The following CFAP95 variants were observed in gnomAD, a reference collection of about 807,000 sequenced individuals.
CFAP95 encodes cilia and flagella associated protein 95, also known as cilia- and flagella-associated protein 95.
At chr9:69,847,660 T>C in the CFAP95 span, among the ~76,000 whole-genome samples, 1 of 152,220 alleles carries the variant, frequency 6.6e-6, no homozygotes, top group Non-Finnish European at 1.5e-5. Flanking sequence ...ATTTCCTGAA[T>C]TATGTCCACA....
At chr9:69,900,298 T>G in the CFAP95 span, among the ~76,000 whole-genome samples, 1 of 151,872 alleles carries the variant, frequency 6.6e-6, no homozygotes, top group Non-Finnish European at 1.5e-5. Flanking sequence ...ATGAGCAGAG[T>G]GGGTTGTTTG....
chr9:69,840,685 T>C, the CFAP95 span, among the ~76,000 whole-genome samples: 6 of 152,224 alleles, frequency 3.9e-5, no homozygotes, highest in African/African-American at 1.4e-4. Flanking sequence ...TATTTGGGTC[T>C]ATATATTTTA....
chr9:69,893,106 A>G, the CFAP95 span, among the ~76,000 whole-genome samples: 1 of 152,198 alleles, frequency 6.6e-6, no homozygotes, highest in African/African-American at 2.4e-5. Flanking sequence ...AAGACAGTAC[A>G]CTTTAACACA....
chr9:69,864,500 T>C, the CFAP95 span, among the ~76,000 whole-genome samples: 1 of 152,188 alleles, frequency 6.6e-6, no homozygotes, highest in African/African-American at 2.4e-5. Flanking sequence ...AATGAGGGGA[T>C]TGAACCAAAT....
At chr9:69,832,620 A>ATTTTTT in the CFAP95 span, among the ~76,000 whole-genome samples, 4 of 11,350 alleles carry the variant, frequency 3.5e-4, no homozygotes, top group African/African-American at 1.3e-3. Context: ...GTCTATTCGG[A>ATTTTTT]TTTTTTTTTT....
At chr9:69,886,675 C>T in the CFAP95 span, among the ~76,000 whole-genome samples, 128,703 of 152,150 alleles carry the variant, frequency 0.85, 54,530 homozygotes, top group Middle Eastern at 0.91. Context: ...TGCTGGTGGG[C>T]AATACTATAT....
chr9:69,883,550 C>A, the CFAP95 span, among the ~76,000 whole-genome samples: 1 of 152,072 alleles, frequency 6.6e-6, no homozygotes, highest in Non-Finnish European at 1.5e-5. Context: ...TCCAAGATGG[C>A]GACGCTCCTG....
At chr9:69,859,582 G>A in the CFAP95 span, among the ~76,000 whole-genome samples, 332 of 152,232 alleles carry the variant, frequency 2.2e-3, 2 homozygotes, top group African/African-American at 7.2e-3. Flanking sequence ...ATGGGGCTCC[G>A]AGCCTGTGAG....
the CFAP95 span, among the ~76,000 whole-genome samples, chr9:69,831,625 A>G: frequency 3.3e-5 from 5 of 152,314 alleles, no homozygotes; most frequent in South Asian, 1.0e-3. Flanking sequence ...TGTTTTGATT[A>G]GCGGTAAGCA....
the CFAP95 span, among the ~76,000 whole-genome samples, chr9:69,905,107 A>G: frequency 6.6e-6 from 1 of 152,226 alleles, no homozygotes; most frequent in Admixed American, 6.5e-5. Context: ...TGCCTAACCC[A>G]TAATAGGCAC....
chr9:69,821,875 T>A, the CFAP95 span, among the ~76,000 whole-genome samples: 3 of 152,178 alleles, frequency 2.0e-5, no homozygotes, highest in African/African-American at 7.2e-5. Flanking sequence ...ACTATGAATG[T>A]ACCAGAGCTG....
chr9:69,843,104 T>C, the CFAP95 span, among the ~76,000 whole-genome samples: 9 of 152,138 alleles, frequency 5.9e-5, no homozygotes, highest in African/African-American at 2.2e-4. Context: ...TATTTTTGTG[T>C]CTCTCTATCT....
chr9:69,880,473 T>C, the CFAP95 span, among the ~76,000 whole-genome samples: 13 of 152,220 alleles, frequency 8.5e-5, no homozygotes, highest in African/African-American at 3.1e-4. Context: ...ATCAATGTTG[T>C]TGCAAAAGAC....
the CFAP95 span, among the ~76,000 whole-genome samples, chr9:69,882,142 C>T: frequency 6.6e-6 from 1 of 152,074 alleles, no homozygotes; most frequent in Non-Finnish European, 1.5e-5. Flanking sequence ...GCCACCACAC[C>T]TGGCTAATTT....
At chr9:69,882,645 G>A in the CFAP95 span, among the ~76,000 whole-genome samples, 7 of 152,080 alleles carry the variant, frequency 4.6e-5, no homozygotes, top group Non-Finnish European at 7.4e-5. Context: ...TTTTGAGGAT[G>A]TGTATTATAA....
At chr9:69,899,548 G>A in the CFAP95 span, among the ~76,000 whole-genome samples, 1 of 152,250 alleles carries the variant, frequency 6.6e-6, no homozygotes, top group African/African-American at 2.4e-5. Flanking sequence ...TAACATAGCA[G>A]AACTGAGACT....
At chr9:69,872,160 C>T in the CFAP95 span, among the ~76,000 whole-genome samples, 6 of 152,194 alleles carry the variant, frequency 3.9e-5, no homozygotes, top group East Asian at 3.9e-4. Flanking sequence ...GTGTCATTAA[C>T]TTTTAATGGG....
chr9:69,844,779 C>T, the CFAP95 span, among the ~76,000 whole-genome samples: 7 of 152,196 alleles, frequency 4.6e-5, no homozygotes, highest in Non-Finnish European at 8.8e-5. Context: ...AGCAACATTA[C>T]CTGTAAAATG....
chr9:69,895,361 C>CTGTGTG, the CFAP95 span, among the ~76,000 whole-genome samples: 1,836 of 91,494 alleles, frequency 0.02, 47 homozygotes, highest in African/African-American at 0.066. Flanking sequence ...CTCTCTCTCT[C>CTGTGTG]TCTCTCTCTG....
Sources: allele counts gnomAD v4.1 joint callset (sites outside exome capture counted in the v4.1 genomes callset), GRCh38; gene constraint gnomAD v4.1.1; transcripts MANE v1.5; gene names NCBI Gene and HGNC (gene_info 2026-07-23, HGNC 2026-07-21).